The following C1orf21 variants were observed in gnomAD, a reference collection of about 807,000 sequenced individuals.
C1orf21 encodes uncharacterized protein C1orf21.
In C1orf21, 3 loss-of-function variants were observed where a neutral mutation model predicts 18.7. The ratio of observed to expected loss-of-function variants is 0.16; its 90% confidence interval spans 0.07 to 0.42. The LOEUF (loss-of-function observed/expected upper bound fraction) is 0.42, where lower values mean the gene tolerates loss of function less well. Ranked by LOEUF, C1orf21 falls within the 10% of genes least tolerant of loss-of-function variation. C1orf21 has a pLI of 0.99. For missense variants in C1orf21, 104 were observed against 143.6 expected (o/e 0.72, Z 1.41); for synonymous variants, 41 against 46.4 (o/e 0.88, Z 0.47).
intron 1 of C1orf21, among the ~76,000 whole-genome samples, chr1:184,388,983 C>T (rs1023824851): frequency 6.6e-6 from 1 of 152,090 alleles, no homozygotes; most frequent in Admixed American, 6.5e-5. Context: ...AATTGTCAGA[C>T]ATGGAAATTA....
chr1:184,483,823 T>G (rs1657691380), intron 2 of C1orf21, among the ~76,000 whole-genome samples: 1 of 150,658 alleles, frequency 6.6e-6, no homozygotes, highest in Non-Finnish European at 1.5e-5. Context: ...ACTTTCTGTT[T>G]GTGCCAATAA....
chr1:184,399,913 T>A (rs1227727179), intron 1 of C1orf21, among the ~76,000 whole-genome samples: 1 of 152,212 alleles, frequency 6.6e-6, no homozygotes. Context: ...CCCTGAGATA[T>A]AGTTTATGTA....
At chr1:184,493,224 C>G (rs757985583) in intron 2 of C1orf21, among the ~76,000 whole-genome samples, 2 of 152,118 alleles carry the variant, frequency 1.3e-5, no homozygotes, top group Non-Finnish European at 2.9e-5. Context: ...GGGAAGATGC[C>G]TGCTGGAGAG....
intron 1 of C1orf21, among the ~76,000 whole-genome samples, chr1:184,453,380 T>C (rs1000934851): frequency 6.6e-6 from 1 of 152,204 alleles, no homozygotes; most frequent in African/African-American, 2.4e-5. Flanking sequence ...TTTACAACTC[T>C]TTCTGTGCTT....
chr1:184,458,548 A>G (rs2101982681), intron 1 of C1orf21, among the ~76,000 whole-genome samples: 1 of 152,340 alleles, frequency 6.6e-6, no homozygotes, highest in Non-Finnish European at 1.5e-5. Context: ...TGTACTGAAT[A>G]GTAAATGGAT....
intron 1 of C1orf21, among the ~76,000 whole-genome samples, chr1:184,475,871 C>T (rs1657564373): frequency 6.6e-6 from 1 of 151,522 alleles, no homozygotes; most frequent in South Asian, 2.1e-4. Flanking sequence ...TAAACATTAG[C>T]CATCTAGGAG....
chr1:184,487,362 A>C (rs1657747739), intron 2 of C1orf21, among the ~76,000 whole-genome samples: 1 of 152,206 alleles, frequency 6.6e-6, no homozygotes, highest in Non-Finnish European at 1.5e-5. Context: ...AACCGTTACA[A>C]CTTGGATTTG....
chr1:184,556,562 A>G (rs1253286417), intron 3 of C1orf21, among the ~76,000 whole-genome samples: 1 of 152,208 alleles, frequency 6.6e-6, no homozygotes, highest in Non-Finnish European at 1.5e-5. Context: ...CACCATTGTG[A>G]CCACTGCCCA....
intron 5 of C1orf21, among the ~76,000 whole-genome samples, chr1:184,618,361 T>A (rs540218522): frequency 6.6e-6 from 1 of 152,302 alleles, no homozygotes; most frequent in South Asian, 2.1e-4. Flanking sequence ...GTTCTCTTCA[T>A]TTTACAGATG....
At chr1:184,420,688 CT>C (rs1656534071) in intron 1 of C1orf21, among the ~76,000 whole-genome samples, 1 of 152,066 alleles carries the variant, frequency 6.6e-6, no homozygotes, top group African/African-American at 2.4e-5. Flanking sequence ...TCAAAATGTA[CT>C]TTTATCTGGC....
At chr1:184,547,048 C>T (rs1419432947) in intron 3 of C1orf21, among the ~76,000 whole-genome samples, 1 of 152,096 alleles carries the variant, frequency 6.6e-6, no homozygotes, top group Non-Finnish European at 1.5e-5. Context: ...GGGTGATGGG[C>T]AAGACCATCA....
chr1:184,425,805 C>T (rs1656628273), intron 1 of C1orf21, among the ~76,000 whole-genome samples: 1 of 152,250 alleles, frequency 6.6e-6, no homozygotes. Flanking sequence ...GACATTCACA[C>T]AGCTTTGTTT....
intron 5 of C1orf21, among the ~76,000 whole-genome samples, chr1:184,603,521 G>A (rs1174593511): frequency 6.6e-6 from 1 of 152,244 alleles, no homozygotes; most frequent in Non-Finnish European, 1.5e-5. Context: ...TTGGCTGGGT[G>A]CAGTGGCTCA....
chr1:184,523,912 G>GT (rs1472378750), intron 3 of C1orf21, among the ~76,000 whole-genome samples: 1 of 152,018 alleles, frequency 6.6e-6, no homozygotes, highest in Non-Finnish European at 1.5e-5. Flanking sequence ...AGACAAAAAG[G>GT]TTTTTTTGAT....
intron 1 of C1orf21, among the ~76,000 whole-genome samples, chr1:184,475,734 GGTGTGTGTGTGTGTGTGTGTGTGT>G (rs10553261): frequency 3.2e-4 from 44 of 138,080 alleles, no homozygotes; most frequent in Non-Finnish European, 1.1e-4. Context: ...AATGGAATAG[GGTGTGTGTGTGTGTGTGTGTGTGT>G]GTGTGTGTGT....
At chr1:184,542,060 G>A (rs187754156) in intron 3 of C1orf21, among the ~76,000 whole-genome samples, 39 of 152,264 alleles carry the variant, frequency 2.6e-4, no homozygotes, top group South Asian at 1.0e-3. Flanking sequence ...CTTCTATACC[G>A]GGTGCAGTCA....
chr1:184,488,697 G>T (rs983069077), intron 2 of C1orf21, among the ~76,000 whole-genome samples: 1 of 152,230 alleles, frequency 6.6e-6, no homozygotes, highest in African/African-American at 2.4e-5. Context: ...GGGCACAGTG[G>T]CTCACGCCTA....
intron 1 of C1orf21, among the ~76,000 whole-genome samples, chr1:184,415,471 C>A (rs774476439): frequency 6.6e-6 from 1 of 152,056 alleles, no homozygotes; most frequent in Non-Finnish European, 1.5e-5. Flanking sequence ...GCTTATTTTG[C>A]GTGTTCTGTT....
rs1372558098 is a variant in C1orf21, at chr1:184,505,328, TATATATATATATAC to T, written c.95-2258_95-2245del. Among the ~76,000 whole-genome samples the T allele has an allele frequency of 7.3e-4, 97 of 132,606 alleles. 3 individuals are homozygous for T. The highest frequency in any genetic ancestry group is 2.5e-3 in the South Asian group (11 of 4,398). The allele number at this position is 132,606 out of a possible 152,430, so 87.0% of individuals were successfully genotyped here. On this transcript the variant is annotated intron_variant, in intron 2 of 5. Transcript: ENST00000235307. The stretch of plus-strand genomic sequence containing the variant: ...AGAAATATATATATATATATATATA[TATATATATATATAC>T]ACACATGCCATATATATATAGACAT...
Sources: gnomAD v4.1 joint callset for allele counts (sites outside exome capture counted in the v4.1 genomes callset) on GRCh38, gnomAD v4.1.1 for gene constraint, MANE v1.5 for transcripts, NCBI Gene and HGNC (gene_info 2026-07-23, HGNC 2026-07-21) for gene names.